SLC11A2: variants seen among roughly 807,000 people sequenced by gnomAD.
SLC11A2 encodes the protein solute carrier family 11 member 2.
In SLC11A2, 38 loss-of-function variants were observed where a neutral mutation model predicts 68.0. That is an observed-to-expected ratio of 0.56 (90% confidence interval 0.43 to 0.73). The LOEUF is 0.73. Ranked by LOEUF, SLC11A2 falls within the 30% of genes least tolerant of loss-of-function variation. SLC11A2 has a pLI of 0.00. For missense variants in SLC11A2, 517 were observed against 690.5 expected (o/e 0.75, Z 2.82); for synonymous variants, 242 against 250.6 (o/e 0.97, Z 0.32).
chr12:50,997,003 T>C, intron 8 of SLC11A2, 31 bp from the exon 9 acceptor site: 1 of 1,599,550 alleles, frequency 6.3e-7, no homozygotes, highest in Non-Finnish European at 8.6e-7. Context: ...GATTAGCCTT[T>C]ACAGGAACGT....
intron 1 of SLC11A2, among the ~76,000 whole-genome samples, chr12:51,021,343 G>A (rs968704189): frequency 4.0e-5 from 6 of 151,632 alleles, no homozygotes; most frequent in African/African-American, 9.7e-5. Flanking sequence ...CCACAATTTC[G>A]GGCCAGGCGC....
Position 50,987,848 on chromosome 12 carries a change from A to G in SLC11A2, c.*477T>C, listed in dbSNP as rs1302235618. On this transcript the variant is annotated 3_prime_UTR_variant, in exon 16 of 16. Coordinates refer to ENST00000262052, the MANE Select transcript of SLC11A2 (RefSeq NM_000617.3). Reference sequence around the variant, plus strand: ...AAGCTATTCTAGTTGATAATTTGGTATAATTAAAATAACTGAAAAGGTAGG... The same window carrying G: ...AAGCTATTCTAGTTGATAATTTGGTGTAATTAAAATAACTGAAAAGGTAGG... The G allele has an allele frequency of 6.4e-6, 8 of 1,257,682 alleles. No individual in the cohort carries two copies. The highest frequency in any genetic ancestry group is 7.2e-6 in the Non-Finnish European group (7 of 976,644). 77.9% of individuals were successfully genotyped at this position (1,257,682 alleles called of 1,614,324 possible).
chr12:51,001,123 C>T (rs1469510184), intron 5 of SLC11A2, among the ~76,000 whole-genome samples: 1 of 150,470 alleles, frequency 6.6e-6, no homozygotes, highest in East Asian at 2.0e-4. Context: ...TGAGATTGCG[C>T]CACTGCACTC....
the SLC11A2 span, among the ~76,000 whole-genome samples, chr12:50,963,326 C>T: frequency 1.4e-5 from 2 of 139,534 alleles, no homozygotes; most frequent in South Asian, 2.3e-4. Context: ...ACCAAAACCA[C>T]GCCACTGCAC....
chr12:51,010,813 A>G (rs1433913281), intron 1 of SLC11A2, 47 bp from the exon 2 acceptor site: 8 of 1,060,542 alleles, frequency 7.5e-6, no homozygotes, highest in African/African-American at 3.1e-5. Context: ...GAACAAACTA[A>G]CAAGTTCAGA....
chr12:50,974,718 C>T (rs12831597), downstream of SLC11A2, among the ~76,000 whole-genome samples: 22,176 of 152,090 alleles, frequency 0.15, 1,861 homozygotes, highest in South Asian at 0.26. Flanking sequence ...AGTCAAGACC[C>T]GTCAGTGTGC....
At chr12:50,974,243 G>T in the SLC11A2 span, among the ~76,000 whole-genome samples, 2 of 152,294 alleles carry the variant, frequency 1.3e-5, no homozygotes, top group South Asian at 4.2e-4. Context: ...CAGAGAGAAA[G>T]GTCGGGTTAC....
rs1484403147 is a variant in SLC11A2 at position 50,987,729 on chromosome 12, T to C, written c.*596A>G. 2.3e-6 allele frequency: 3 copies of C among 1,287,038 alleles called. No individual in the cohort carries two copies. The highest frequency in any genetic ancestry group is 1.5e-5 in the African/African-American group (1 of 65,780). The allele number at this position is 1,287,038 out of a possible 1,614,324, so 79.7% of individuals were successfully genotyped here. On this transcript the variant is annotated 3_prime_UTR_variant, in exon 16 of 16. Transcript: ENST00000262052. ...CCCTTCTTTGTTTTCTCACCCCTCT[T>C]AACTTCCACTGAGAAATTAAAGTGG...
chr12:50,958,466 A>G, the SLC11A2 span, among the ~76,000 whole-genome samples: 2 of 151,128 alleles, frequency 1.3e-5, no homozygotes, highest in Non-Finnish European at 2.9e-5. Flanking sequence ...TATTTTTAGT[A>G]GAGATGGGGT....
chr12:50,960,902 A>C, the SLC11A2 span: 15 of 1,384,212 alleles, frequency 1.1e-5, no homozygotes, highest in Non-Finnish European at 1.4e-5. Context: ...CTGTTTTCAA[A>C]CTCCTGGTCT....
At chr12:50,976,723 A>T (rs1014335546), downstream of SLC11A2, among the ~76,000 whole-genome samples, 1 of 152,318 alleles carries the variant, frequency 6.6e-6, no homozygotes, top group East Asian at 1.9e-4. Flanking sequence ...GTTTGCAGAT[A>T]ACATGATTGT....
At chr12:51,005,830 AAAAT>A in intron 3 of SLC11A2, 1 of 477,888 alleles carries the variant, frequency 2.1e-6, no homozygotes, top group South Asian at 1.9e-5. Flanking sequence ...AGAGCAAACA[AAAAT>A]AAAATTCTAA....
chr12:51,018,559 C>T (rs1271701199), intron 1 of SLC11A2, among the ~76,000 whole-genome samples: 2 of 151,198 alleles, frequency 1.3e-5, no homozygotes, highest in Admixed American at 6.6e-5. Context: ...TTTTGGAAGG[C>T]CAAGGCGAGC....
downstream of SLC11A2, among the ~76,000 whole-genome samples, chr12:50,976,017 A>G (rs1443942014): frequency 6.6e-6 from 1 of 152,204 alleles, no homozygotes; most frequent in African/African-American, 2.4e-5. Context: ...ACCAACCAAA[A>G]AAAGTCCAGG....
the SLC11A2 span, among the ~76,000 whole-genome samples, chr12:50,957,930 A>T: frequency 8.4e-6 from 1 of 119,322 alleles, no homozygotes; most frequent in Non-Finnish European, 1.8e-5. Context: ...TGTATTCATG[A>T]ATTGGAGGTG....
At chr12:50,980,091 T>A (rs930740164), downstream of SLC11A2, 1 of 379,582 alleles carries the variant, frequency 2.6e-6, no homozygotes, top group African/African-American at 2.1e-5. Flanking sequence ...CTGGGTGTGG[T>A]GGTGTGTGCC....
intron 5 of SLC11A2, chr12:51,000,636 G>A (rs1002324983): frequency 6.7e-6 from 4 of 600,104 alleles, no homozygotes; most frequent in South Asian, 4.0e-5. Context: ...GGCAGAACCT[G>A]TGAACGAAGG....
chr12:51,007,041 C>T (rs970092973), intron 3 of SLC11A2, among the ~76,000 whole-genome samples: 7 of 152,162 alleles, frequency 4.6e-5, no homozygotes, highest in African/African-American at 1.7e-4. Flanking sequence ...AGCCACTGCA[C>T]CCAGTGTCAA....
intron 3 of SLC11A2, among the ~76,000 whole-genome samples, chr12:51,007,234 G>GC (rs1363907679): frequency 7.2e-5 from 11 of 152,102 alleles, no homozygotes; most frequent in Non-Finnish European, 1.3e-4. Context: ...ACCACCTTGG[G>GC]CACATGTTCT....
Sources: allele counts gnomAD v4.1 joint callset (sites outside exome capture counted in the v4.1 genomes callset), GRCh38; gene constraint gnomAD v4.1.1; transcripts MANE v1.5; gene names NCBI Gene and HGNC (gene_info 2026-07-23, HGNC 2026-07-21).